The following CADM2 variants were observed in gnomAD, a reference collection of about 807,000 sequenced individuals.
CADM2 encodes the protein cell adhesion molecule 2.
Under a neutral mutation model 49.8 loss-of-function variants are expected in CADM2, and 12 were observed. The ratio of observed to expected loss-of-function variants is 0.24; its 90% CI spans 0.15 to 0.39. CADM2 has a LOEUF of 0.39. CADM2 is among the 10% of genes least tolerant of loss of function. The pLI, the probability that CADM2 is intolerant of heterozygous loss-of-function variation, is 1.00. For missense variants in CADM2, 378 were observed against 492.3 expected, an observed-to-expected ratio of 0.77 and a Z score of 2.20; for synonymous variants, 214 against 175.4, an observed-to-expected ratio of 1.22 and a Z score of -1.74.
At chr3:85,814,327 G>A (rs959137946) in intron 3 of CADM2, among the ~76,000 whole-genome samples, 4 of 151,998 alleles carry the variant, frequency 2.6e-5, no homozygotes, top group African/African-American at 9.7e-5. Context: ...GTTCACTCAT[G>A]ATTTGGTCTC....
rs1255254409 is a variant in CADM2 at position 86,070,794 on chromosome 3, T to C, written c.*4011T>C. The C allele has an allele frequency of 6.6e-6, 1 of 151,950 alleles. No individual in the cohort carries two copies. Among genetic ancestry groups the C allele is most frequent in the Non-Finnish European group, 1.5e-5 (1 of 67,846 alleles). The allele number at this position is 151,950 out of a possible 1,614,324, so 9.4% of individuals were successfully genotyped here. On this transcript the variant is annotated 3_prime_UTR_variant, in exon 10 of 10. Coordinates refer to ENST00000383699, the MANE Select transcript of CADM2 (RefSeq NM_001167675.2). ...ATGTAAGTATCTTGTACTTGCTGTG[T>C]ATGGATGTTGGAAACCCATGTAATT...
intron 1 of CADM2, among the ~76,000 whole-genome samples, chr3:85,537,294 T>C (rs1433673466): frequency 1.3e-5 from 2 of 152,148 alleles, no homozygotes; most frequent in Non-Finnish European, 2.9e-5. Flanking sequence ...ATTCAGGCTA[T>C]GTAGAAGCAT....
chr3:85,482,504 T>C (rs139857879), intron 1 of CADM2, among the ~76,000 whole-genome samples: 5 of 151,970 alleles, frequency 3.3e-5, no homozygotes, highest in Admixed American at 2.6e-4. Context: ...TGATGGCTAA[T>C]TCTATTTTTG....
intron 1 of CADM2, among the ~76,000 whole-genome samples, chr3:85,442,404 T>C (rs2037244879): frequency 6.6e-6 from 1 of 151,688 alleles, no homozygotes; most frequent in Admixed American, 6.6e-5. Flanking sequence ...CTATCAAAAA[T>C]CCTGCAAAGA....
At chr3:85,684,981 C>T (rs1274801917) in intron 1 of CADM2, among the ~76,000 whole-genome samples, 6 of 152,118 alleles carry the variant, frequency 3.9e-5, no homozygotes, top group Non-Finnish European at 8.8e-5. Context: ...AATGGAGAAT[C>T]GGCCGGGCGC....
chr3:85,101,845 A>G (rs752629952), intron 1 of CADM2, among the ~76,000 whole-genome samples: 4 of 152,174 alleles, frequency 2.6e-5, no homozygotes, highest in African/African-American at 4.8e-5. Flanking sequence ...ACTTGATTCC[A>G]TACTTAAGAA....
At chr3:85,469,229 C>A (rs1227474412) in intron 1 of CADM2, among the ~76,000 whole-genome samples, 3 of 152,250 alleles carry the variant, frequency 2.0e-5, no homozygotes, top group African/African-American at 7.2e-5. Context: ...TTAGCGACTA[C>A]TCTGTAAAAC....
At chr3:85,666,508 C>T (rs2065573353) in intron 1 of CADM2, among the ~76,000 whole-genome samples, 1 of 151,688 alleles carries the variant, frequency 6.6e-6, no homozygotes, top group Admixed American at 6.6e-5. Context: ...AGAAAACACA[C>T]AAAAAAATAT....
chr3:86,021,042 C>T (rs2107037485), intron 8 of CADM2, among the ~76,000 whole-genome samples: 1 of 152,264 alleles, frequency 6.6e-6, no homozygotes, highest in East Asian at 1.9e-4. Context: ...CCAGGTCACA[C>T]AGGCTGGAGT....
chr3:85,664,545 C>A (rs2065506281), intron 1 of CADM2, among the ~76,000 whole-genome samples: 1 of 152,090 alleles, frequency 6.6e-6, no homozygotes, highest in African/African-American at 2.4e-5. Context: ...ATCACTCCAA[C>A]ACTCACTACT....
At chr3:85,654,599 G>C (rs2065142467) in intron 1 of CADM2, among the ~76,000 whole-genome samples, 1 of 152,116 alleles carries the variant, frequency 6.6e-6, no homozygotes, top group Admixed American at 6.5e-5. Context: ...GAGTCATTGA[G>C]GCAATAGTAA....
At chr3:85,758,824 T>A (rs1325308096) in intron 2 of CADM2, among the ~76,000 whole-genome samples, 3 of 152,116 alleles carry the variant, frequency 2.0e-5, no homozygotes, top group African/African-American at 7.2e-5. Flanking sequence ...GTGTTCTGGC[T>A]TGACTGTTTA....
At chr3:85,726,718 T>C (rs1452847730) in intron 2 of CADM2, among the ~76,000 whole-genome samples, 170 bp downstream of exon 2, 1 of 152,130 alleles carries the variant, frequency 6.6e-6, no homozygotes, top group African/African-American at 2.4e-5. Flanking sequence ...AGTTATCCAA[T>C]TTCTGAGACA....
At chr3:85,593,130 A>G (rs1450848727) in intron 1 of CADM2, among the ~76,000 whole-genome samples, 3 of 151,808 alleles carry the variant, frequency 2.0e-5, no homozygotes, top group Non-Finnish European at 2.9e-5. Context: ...TTGTACATTA[A>G]TACACATCCT....
At chr3:84,995,628 A>C (rs1215453711) in intron 1 of CADM2, among the ~76,000 whole-genome samples, 1 of 152,228 alleles carries the variant, frequency 6.6e-6, no homozygotes, top group Non-Finnish European at 1.5e-5. Context: ...TGGAGATTAT[A>C]TGTAGTGCCT....
rs143545759 is a variant in CADM2, at chr3:85,083,228, C to G, written c.61+123560C>G. ...GATGCCTGGGCTATAAGTGTCAACTCTTAATCTTGATAAGGTCAGAAAGGG... is the reference window on the plus strand; with the variant it reads ...GATGCCTGGGCTATAAGTGTCAACTGTTAATCTTGATAAGGTCAGAAAGGG... On this transcript the variant is annotated intron_variant, in intron 1 of 9. Transcript: ENST00000383699. 4.1e-3 allele frequency among the ~76,000 whole-genome samples: 619 copies of G among 152,176 alleles called. 5 individuals carry two copies. The highest frequency in any genetic ancestry group is 0.014 in the African/African-American group (590 of 41,538).
At chr3:85,106,690 AC>A (rs1454736717) in intron 1 of CADM2, among the ~76,000 whole-genome samples, 1 of 152,100 alleles carries the variant, frequency 6.6e-6, no homozygotes, top group Non-Finnish European at 1.5e-5. Flanking sequence ...TAAAACAAGT[AC>A]GGGGAAACGT....
At chr3:85,554,274 T>C (rs907368124) in intron 1 of CADM2, among the ~76,000 whole-genome samples, 2 of 152,166 alleles carry the variant, frequency 1.3e-5, no homozygotes, top group Non-Finnish European at 2.9e-5. Flanking sequence ...TTCCTGCTCC[T>C]ATGAGAATCT....
At chr3:85,981,160 G>A (rs970621399) in intron 8 of CADM2, among the ~76,000 whole-genome samples, 4 of 150,344 alleles carry the variant, frequency 2.7e-5, no homozygotes, top group African/African-American at 9.8e-5. Flanking sequence ...CTATATATAT[G>A]TATATATATA....
Sources: allele counts gnomAD v4.1 joint callset (sites outside exome capture counted in the v4.1 genomes callset), GRCh38; gene constraint gnomAD v4.1.1; transcripts MANE v1.5; gene names NCBI Gene and HGNC (gene_info 2026-07-23, HGNC 2026-07-21).